Variants in SNAP29 observed in about 807,000 individuals in gnomAD.
SNAP29 encodes synaptosomal-associated protein 29.
Under a neutral mutation model 27.9 loss-of-function variants are expected in SNAP29, and 13 were observed. That is an observed-to-expected ratio of 0.47 (90% CI 0.30 to 0.74). The LOEUF is 0.74. Among genes scored for constraint, SNAP29 ranks in the 30% least tolerant of loss-of-function variants. SNAP29 has a pLI of 0.06. For missense variants in SNAP29, 368 were observed against 336.5 expected (o/e 1.09, Z -0.73); for synonymous variants, 119 against 127.1 (o/e 0.94, Z 0.43).
intron 2 of SNAP29, among the ~76,000 whole-genome samples, chr22:20,875,419 G>A (rs1928715656): frequency 6.6e-6 from 1 of 152,214 alleles, no homozygotes; most frequent in Non-Finnish European, 1.5e-5. Context: ...AGCAGAAGCT[G>A]CAGGAATGCA....
At chr22:20,870,766 C>A in intron 2 of SNAP29, 1 of 593,702 alleles carries the variant, frequency 1.7e-6, no homozygotes, top group South Asian at 1.9e-5. Flanking sequence ...ATTGTGACCC[C>A]ACTACTTTGA....
At chr22:20,863,598 G>A (rs539741194) in intron 1 of SNAP29, among the ~76,000 whole-genome samples, 72 of 152,228 alleles carry the variant, frequency 4.7e-4, no homozygotes, top group African/African-American at 1.7e-3. Flanking sequence ...CCTGGTAGGC[G>A]CTTTGTAGAA....
Position 20,887,688 on chromosome 22 carries a change from C to G in SNAP29, c.629C>G (p.Ser210Cys), listed in dbSNP as rs141934766. The change falls in exon 5 of 5, where the codon TCC becomes TGC. Residue 210 changes from serine (S) to cysteine (C), a missense_variant. Coordinates refer to ENST00000215730, the MANE Select transcript of SNAP29 (RefSeq NM_004782.4). ...QKIDSNLDEL[S>C]MGLGRLKDIA... ...TTTCCTCCTCCTGCAGATGAGCTGT[C>G]CATGGGACTGGGTCGTCTGAAGGAC... 1 of 1,614,042 alleles carries G rather than the reference C, an allele frequency of 6.2e-7. No individual in the cohort carries two copies. Among genetic ancestry groups the G allele is most frequent in the Non-Finnish European group, 8.5e-7 (1 of 1,180,028 alleles).
chr22:20,883,195 A>T (rs1228538808), intron 3 of SNAP29, among the ~76,000 whole-genome samples: 1 of 151,964 alleles, frequency 6.6e-6, no homozygotes, highest in Non-Finnish European at 1.5e-5. Flanking sequence ...GTCTTTCCTG[A>T]GCTTGTGCAC....
chr22:20,874,781 G>C (rs1262991593), intron 2 of SNAP29, among the ~76,000 whole-genome samples: 4 of 151,898 alleles, frequency 2.6e-5, no homozygotes. Context: ...TCTAGTCGTT[G>C]CTTGTTTTTT....
At chr22:20,866,371 AAG>A (rs1928460298) in intron 1 of SNAP29, among the ~76,000 whole-genome samples, 1 of 152,184 alleles carries the variant, frequency 6.6e-6, no homozygotes, top group Admixed American at 6.5e-5. Context: ...CTCCCTTGGG[AAG>A]GGAGAGATGG....
chr22:20,859,523 G>A lies in SNAP29; in HGVS notation c.237+176G>A, dbSNP rs187884482. The stretch of plus-strand genomic sequence containing the variant: ...TAACTATGTAAAGGTATGTGCATCT[G>A]GAGTACTTGAAGAGGGCAGTTTACC... On this transcript the variant is annotated intron_variant, in intron 1 of 4. Transcript: ENST00000215730. The A allele has an allele frequency of 7.0e-4, 439 of 629,014 alleles. 11 individuals are homozygous for A. The highest frequency in any genetic ancestry group is 4.7e-3 in the South Asian group (245 of 52,534). 39.0% of individuals were successfully genotyped at this position (629,014 alleles called of 1,614,324 possible).
rs761541852 is a variant in SNAP29, at chr22:20,859,367, G to T, written c.237+20G>T. 6.6e-7 allele frequency: 1 copy of T among 1,509,780 alleles called. No individual in the cohort carries two copies. Among genetic ancestry groups the T allele is most frequent in the Admixed American group, 1.7e-5 (1 of 59,912 alleles). 93.5% of individuals were successfully genotyped at this position (1,509,780 alleles called of 1,614,324 possible). ...TCCGAGGTGAGCCTGGGGCAGGGCT[G>T]GTGTGGACTCGCCGGTCTCTGTGCT... On this transcript the variant is annotated intron_variant, in intron 1 of 4. Coordinates refer to ENST00000215730, the MANE Select transcript of SNAP29 (RefSeq NM_004782.4).
chr22:20,874,307 GACACACACAGACACACACACACACACAC>G (rs1185020313), intron 2 of SNAP29, among the ~76,000 whole-genome samples: 5 of 117,642 alleles, frequency 4.3e-5, no homozygotes, highest in African/African-American at 7.1e-5. Context: ...GACACACACA[GACACACACAGACACACACACACACACAC>G]ACACGAAAAT....
At chr22:20,880,081 G>A (rs958716079) in intron 2 of SNAP29, among the ~76,000 whole-genome samples, 1 of 150,784 alleles carries the variant, frequency 6.6e-6, no homozygotes, top group African/African-American at 2.4e-5. Context: ...CTAATGAGAG[G>A]AATGAAACTC....
At chr22:20,886,959 C>T (rs1216320460) in intron 4 of SNAP29, among the ~76,000 whole-genome samples, 1 of 151,982 alleles carries the variant, frequency 6.6e-6, no homozygotes, top group African/African-American at 2.4e-5. Flanking sequence ...CGCGGTGGCT[C>T]ACGCCTGTAA....
At position 20,885,304 on chromosome 22, in the gene SNAP29, T is replaced by C. The variant is rs184259492; in HGVS notation, c.619+1735T>C. Among the ~76,000 whole-genome samples, 9 of 152,146 alleles carry C rather than the reference T, an allele frequency of 5.9e-5. No homozygotes were observed. In the East Asian group the frequency reaches 1.7e-3, roughly 29 times the overall value. ...GGGGACAAATAATAAAATCCTCCCCTGCTGTAAAGGTATCTAGTGGAAGGC... is the reference window on the plus strand; with the variant it reads ...GGGGACAAATAATAAAATCCTCCCCCGCTGTAAAGGTATCTAGTGGAAGGC... On this transcript the variant is annotated intron_variant, in intron 4 of 4. Coordinates refer to ENST00000215730, the MANE Select transcript of SNAP29 (RefSeq NM_004782.4).
At chr22:20,863,853 G>GTT (rs1042254562) in intron 1 of SNAP29, among the ~76,000 whole-genome samples, 3 of 146,762 alleles carry the variant, frequency 2.0e-5, no homozygotes, top group African/African-American at 7.5e-5. Context: ...ATAAAAATGG[G>GTT]TTTTTTTTTT....
chr22:20,862,708 G>A (rs1424161341), intron 1 of SNAP29, among the ~76,000 whole-genome samples: 1 of 152,186 alleles, frequency 6.6e-6, no homozygotes, highest in Non-Finnish European at 1.5e-5. Context: ...AGGCATTGCT[G>A]TGAGAAGTAC....
Position 20,859,020 on chromosome 22 carries a change from C to T in SNAP29, c.-91C>T, listed in dbSNP as rs1379957155. The T allele has an allele frequency of 4.3e-6, 6 of 1,384,954 alleles. No homozygotes were observed. Among genetic ancestry groups the T allele is most frequent in the East Asian group, 5.1e-5 (2 of 39,600 alleles). The allele number at this position is 1,384,954 out of a possible 1,614,324, so 85.8% of individuals were successfully genotyped here. A position where few individuals can be genotyped will look rare whatever the true frequency, so the allele number is the denominator to read the frequency against. On this transcript the variant is annotated 5_prime_UTR_variant, in exon 1 of 5. Transcript: ENST00000215730. Reference sequence around the variant, plus strand: ...CGCGCGGAAGGAGTTCGCGCGACGACCGCGGGGTCGGCGGGCGGGGCGAGG... The same window carrying T: ...CGCGCGGAAGGAGTTCGCGCGACGATCGCGGGGTCGGCGGGCGGGGCGAGG...
chr22:20,864,004 T>TC (rs1189874146), intron 1 of SNAP29, among the ~76,000 whole-genome samples: 1 of 152,216 alleles, frequency 6.6e-6, no homozygotes, highest in Non-Finnish European at 1.5e-5. Flanking sequence ...ATGCAGCCTG[T>TC]CCCCTAATGA....
At chr22:20,887,280 G>A (rs547265567) in intron 4 of SNAP29, among the ~76,000 whole-genome samples, 1 of 151,022 alleles carries the variant, frequency 6.6e-6, no homozygotes, top group Admixed American at 6.6e-5. Flanking sequence ...CCAGTGCTAA[G>A]CCTTTGTGTA....
chr22:20,872,819 G>GTTT (rs1569117504), intron 2 of SNAP29, among the ~76,000 whole-genome samples: 7 of 38,772 alleles, frequency 1.8e-4, no homozygotes, highest in African/African-American at 2.3e-4. Flanking sequence ...ACCACGCCAG[G>GTTT]CTTTTTTTTT....
chr22:20,864,419 C>A (rs1404783306), intron 1 of SNAP29, among the ~76,000 whole-genome samples: 1 of 152,140 alleles, frequency 6.6e-6, no homozygotes, highest in African/African-American at 2.4e-5. Flanking sequence ...GAGGAGGACA[C>A]CCCTCCTGGC....
Sources: gnomAD v4.1 joint callset for allele counts (sites outside exome capture counted in the v4.1 genomes callset) on GRCh38, gnomAD v4.1.1 for gene constraint, MANE v1.5 for transcripts, NCBI Gene and HGNC (gene_info 2026-07-23, HGNC 2026-07-21) for gene names.